The following IGF1R variants were observed in gnomAD, a reference collection of about 807,000 sequenced individuals.
IGF1R encodes insulin-like growth factor 1 receptor.
IGF1R carries 44 observed loss-of-function variants against 144.6 expected under a neutral mutation model. That is an observed-to-expected ratio of 0.30 (90% CI 0.24 to 0.39). The LOEUF is 0.39. IGF1R is among the 10% of genes least tolerant of loss of function. The probability of loss-of-function intolerance (pLI) is 1.00; values close to 1 mark genes in which losing one functional copy is unlikely to be tolerated. For missense variants in IGF1R, 1,355 were observed against 1,833.7 expected, an observed-to-expected ratio of 0.74 and a Z score of 4.77; for synonymous variants, 795 against 722.8, an observed-to-expected ratio of 1.10 and a Z score of -1.60.
intron 1 of IGF1R, among the ~76,000 whole-genome samples, chr15:98,687,056 G>A (rs1476493236): frequency 2.0e-5 from 3 of 152,102 alleles, no homozygotes; most frequent in Non-Finnish European, 4.4e-5. Context: ...AAAGGTTTTG[G>A]GAGGAGGAGG....
At chr15:98,839,525 T>C (rs542063449) in intron 2 of IGF1R, among the ~76,000 whole-genome samples, 18 of 152,342 alleles carry the variant, frequency 1.2e-4, no homozygotes, top group African/African-American at 4.1e-4. Flanking sequence ...AGACTTCACA[T>C]TTTCATTAGT....
At chr15:98,934,793 G>A (rs536376757) in intron 15 of IGF1R, 31 bp from the exon 16 acceptor site, 5 of 1,589,422 alleles carry the variant, frequency 3.1e-6, no homozygotes, top group Non-Finnish European at 4.3e-6. Context: ...GCTTGTTTCT[G>A]TACCTGCTTT....
At chr15:98,655,477 A>T (rs1306816963) in intron 1 of IGF1R, among the ~76,000 whole-genome samples, 1 of 152,110 alleles carries the variant, frequency 6.6e-6, no homozygotes, top group Non-Finnish European at 1.5e-5. Flanking sequence ...CCTTACTTGA[A>T]CTGAGAAATA....
chr15:98,697,308 G>A (rs1451590371), intron 1 of IGF1R, among the ~76,000 whole-genome samples: 1 of 152,250 alleles, frequency 6.6e-6, no homozygotes, highest in Non-Finnish European at 1.5e-5. Context: ...AGTTTGCAGA[G>A]TGGTTGGTTG....
chr15:98,776,725 A>G (rs541286760), intron 2 of IGF1R, among the ~76,000 whole-genome samples: 71 of 152,206 alleles, frequency 4.7e-4, no homozygotes, highest in Admixed American at 7.2e-4. Context: ...GCGGTGTGCA[A>G]GGATGTGGTC....
intron 2 of IGF1R, among the ~76,000 whole-genome samples, chr15:98,723,833 T>A (rs3817263): frequency 0.94 from 142,748 of 152,076 alleles, 67,193 homozygotes; most frequent in Non-Finnish European, 0.98. Context: ...GATTTTTTTT[T>A]AAATGCATGT....
intron 1 of IGF1R, among the ~76,000 whole-genome samples, chr15:98,652,477 G>T (rs1458995992): frequency 6.6e-6 from 1 of 152,188 alleles, no homozygotes; most frequent in Non-Finnish European, 1.5e-5. Context: ...AGATCCTCTG[G>T]AGAGACATAG....
chr15:98,821,145 A>T (rs1448930510), intron 2 of IGF1R, among the ~76,000 whole-genome samples: 1 of 152,350 alleles, frequency 6.6e-6, no homozygotes, highest in Middle Eastern at 3.4e-3. Context: ...ACAAAAATCA[A>T]GGAGAACTCA....
intron 2 of IGF1R, among the ~76,000 whole-genome samples, chr15:98,824,406 C>T (rs1459576910): frequency 1.3e-5 from 2 of 152,188 alleles, no homozygotes; most frequent in Non-Finnish European, 2.9e-5. Flanking sequence ...GCTTTTCCTT[C>T]CCTCCAATAC....
chr15:98,652,022 A>C (rs556040956), intron 1 of IGF1R, among the ~76,000 whole-genome samples: 1 of 152,262 alleles, frequency 6.6e-6, no homozygotes, highest in East Asian at 1.9e-4. Context: ...TCTGGTGGAG[A>C]AATAAAGACA....
At chr15:98,946,633 G>A (rs995595274) in intron 19 of IGF1R, among the ~76,000 whole-genome samples, 8 of 152,212 alleles carry the variant, frequency 5.3e-5, no homozygotes, top group Admixed American at 3.3e-4. Flanking sequence ...CAGACTGCTC[G>A]GGTGGAATGG....
intron 1 of IGF1R, among the ~76,000 whole-genome samples, chr15:98,654,780 C>T (rs991089364): frequency 1.2e-4 from 18 of 151,766 alleles, no homozygotes; most frequent in African/African-American, 3.7e-4. Flanking sequence ...ATAATAGTTG[C>T]ACACATGTTA....
chr15:98,848,654 CAG>C (rs201371814), intron 2 of IGF1R, among the ~76,000 whole-genome samples: 2,813 of 152,314 alleles, frequency 0.018, 38 homozygotes, highest in Non-Finnish European at 0.031. Context: ...AATGCCAACT[CAG>C]AATGTATTGC....
intron 2 of IGF1R, among the ~76,000 whole-genome samples, chr15:98,844,638 GTA>G (rs2011246010): frequency 6.6e-6 from 1 of 151,854 alleles, no homozygotes; most frequent in Non-Finnish European, 1.5e-5. Context: ...GTGTGTGTGT[GTA>G]TTTAGAGAGA....
chr15:98,916,324 C>T (rs939849170), intron 9 of IGF1R, among the ~76,000 whole-genome samples, 193 bp downstream of exon 9: 1 of 148,536 alleles, frequency 6.7e-6, no homozygotes, highest in Non-Finnish European at 1.5e-5. Flanking sequence ...TGCAGTGGCA[C>T]GATCATGGCT....
intron 2 of IGF1R, among the ~76,000 whole-genome samples, chr15:98,822,691 G>T (rs1447567394): frequency 6.6e-6 from 1 of 152,188 alleles, no homozygotes; most frequent in Non-Finnish European, 1.5e-5. Flanking sequence ...TCCAAATTTT[G>T]TGAGTTCCCT....
intron 2 of IGF1R, among the ~76,000 whole-genome samples, chr15:98,735,515 A>G (rs1404923505): frequency 4.6e-5 from 7 of 152,262 alleles, no homozygotes; most frequent in Non-Finnish European, 7.3e-5. Flanking sequence ...TGATAGTGCT[A>G]GGCCACTGCC....
intron 2 of IGF1R, among the ~76,000 whole-genome samples, chr15:98,791,377 T>A (rs963380464): frequency 6.6e-6 from 1 of 152,246 alleles, no homozygotes; most frequent in Non-Finnish European, 1.5e-5. Flanking sequence ...TTACATGTAT[T>A]AAGGAGTTTA....
At chr15:98,924,275 C>T (rs2015615271) in intron 12 of IGF1R, among the ~76,000 whole-genome samples, 1 of 152,246 alleles carries the variant, frequency 6.6e-6, no homozygotes, top group Admixed American at 6.5e-5. Context: ...CAGGTCAGTT[C>T]TAATAACTTT....
Sources: allele counts gnomAD v4.1 joint callset (sites outside exome capture counted in the v4.1 genomes callset), GRCh38; gene constraint gnomAD v4.1.1; transcripts MANE v1.5; gene names NCBI Gene and HGNC (gene_info 2026-07-23, HGNC 2026-07-21).